CDH18: variants seen among roughly 807,000 people sequenced by gnomAD.
CDH18 encodes the protein cadherin-18.
Under a neutral mutation model 67.9 loss-of-function variants are expected in CDH18, and 31 were observed. That is an observed-to-expected ratio of 0.46 (90% CI 0.34 to 0.62). CDH18 has a LOEUF of 0.62. Among genes scored for constraint, CDH18 ranks in the 20% least tolerant of loss-of-function variants. CDH18 has a pLI of 0.01. For synonymous variants in CDH18, 362 were observed against 347.2 expected, an observed-to-expected ratio of 1.04 and a Z score of -0.48; for missense variants, 890 against 975.5, an observed-to-expected ratio of 0.91 and a Z score of 1.17.
At chr5:19,757,775 G>C (rs1700224066) in intron 3 of CDH18, among the ~76,000 whole-genome samples, 1 of 152,152 alleles carries the variant, frequency 6.6e-6, no homozygotes, top group South Asian at 2.1e-4. Context: ...ATAGGCTACA[G>C]CCCAGGAATC....
intron 1 of CDH18, among the ~76,000 whole-genome samples, chr5:20,560,468 T>TACACACACACACACACAC (rs547246325): frequency 3.1e-5 from 4 of 127,606 alleles, no homozygotes; most frequent in Non-Finnish European, 3.3e-5. Context: ...CCAACACTCA[T>TACACACACACACACACAC]ACACACACAC....
intron 2 of CDH18, among the ~76,000 whole-genome samples, chr5:20,156,281 A>G (rs1430739393): frequency 6.6e-6 from 1 of 152,146 alleles, no homozygotes; most frequent in Non-Finnish European, 1.5e-5. Context: ...TACGCTCGTT[A>G]TGTTTATCAC....
At chr5:20,356,347 C>T (rs758483936) in intron 1 of CDH18, among the ~76,000 whole-genome samples, 1 of 152,130 alleles carries the variant, frequency 6.6e-6, no homozygotes, top group African/African-American at 2.4e-5. Flanking sequence ...CACGCAACTG[C>T]ACTCCAGCCT....
In CDH18 at chr5:19,732,679, G is replaced by A. The variant is rs115092273; in HGVS notation, c.524-11213C>T. On this transcript the variant is annotated intron_variant, in intron 4 of 12. Coordinates refer to ENST00000382275, the MANE Select transcript of CDH18 (RefSeq NM_004934.5). ...CTTAAACAGTTATCTCTCTTGTAAAGTTTAATTGCTCCCACCTAAGATTTA... is the reference window on the plus strand; with the variant it reads ...CTTAAACAGTTATCTCTCTTGTAAAATTTAATTGCTCCCACCTAAGATTTA... 4.2e-3 allele frequency among the ~76,000 whole-genome samples: 639 copies of A among 152,198 alleles called. 2 individuals carry two copies. Among genetic ancestry groups the A allele is most frequent in the Non-Finnish European group, 6.0e-3 (405 of 68,002 alleles).
intron 6 of CDH18, among the ~76,000 whole-genome samples, chr5:19,593,726 C>CTTCTTCTTCTTG (rs1210704438): frequency 4.2e-4 from 59 of 141,266 alleles, no homozygotes; most frequent in Non-Finnish European, 5.4e-4. Flanking sequence ...TCTTCTTCTT[C>CTTCTTCTTCTTG]TTCTTCTTCT....
intron 2 of CDH18, among the ~76,000 whole-genome samples, chr5:20,146,153 T>G (rs1270430320): frequency 6.6e-6 from 1 of 152,098 alleles, no homozygotes; most frequent in Non-Finnish European, 1.5e-5. Context: ...GGTGCAGGAT[T>G]CTGCTTGAAT....
intron 1 of CDH18, among the ~76,000 whole-genome samples, chr5:20,536,069 AT>A (rs1414608426): frequency 6.6e-6 from 1 of 152,150 alleles, no homozygotes; most frequent in Non-Finnish European, 1.5e-5. Flanking sequence ...TAGTTTTATA[AT>A]TTTTTAAAAT....
At chr5:20,541,122 T>C (rs1418443925) in intron 1 of CDH18, among the ~76,000 whole-genome samples, 2 of 152,214 alleles carry the variant, frequency 1.3e-5, no homozygotes, top group Non-Finnish European at 2.9e-5. Flanking sequence ...AACATCTATT[T>C]GAGGTCAGAA....
intron 2 of CDH18, among the ~76,000 whole-genome samples, chr5:19,979,841 C>G (rs1798859468): frequency 6.6e-6 from 1 of 152,136 alleles, no homozygotes; most frequent in South Asian, 2.1e-4. Flanking sequence ...GACAAACCCA[C>G]AGCTAACATA....
chr5:20,461,146 C>T (rs2457028), intron 1 of CDH18, among the ~76,000 whole-genome samples: 119,714 of 152,088 alleles, frequency 0.79, 47,361 homozygotes, highest in Admixed American at 0.86. Flanking sequence ...GACAGCCACA[C>T]GCTTGCTGTA....
chr5:19,634,857 A>G (rs1414233650), intron 5 of CDH18, among the ~76,000 whole-genome samples: 4 of 151,810 alleles, frequency 2.6e-5, no homozygotes, highest in African/African-American at 9.7e-5. Flanking sequence ...GAATTGCTTG[A>G]ACCCGGGAGG....
intron 2 of CDH18, among the ~76,000 whole-genome samples, chr5:20,077,018 T>C (rs1194529799): frequency 6.6e-6 from 1 of 152,198 alleles, no homozygotes; most frequent in East Asian, 1.9e-4. Flanking sequence ...GTTGGTTGAA[T>C]TGTGTTGTCT....
intron 1 of CDH18, among the ~76,000 whole-genome samples, chr5:20,300,971 T>A (rs1447420700): frequency 6.6e-6 from 1 of 152,066 alleles, no homozygotes. Context: ...TTAAAAAAAA[T>A]TGGAGGGGAT....
intron 1 of CDH18, among the ~76,000 whole-genome samples, chr5:20,282,714 G>A (rs1746379303): frequency 6.6e-6 from 1 of 152,060 alleles, no homozygotes; most frequent in Non-Finnish European, 1.5e-5. Context: ...TTGGTATCAG[G>A]ATGATGCTGG....
At chr5:19,542,661 AAAGACTACCTATT>A (rs1244742908) in intron 9 of CDH18, among the ~76,000 whole-genome samples, 1 of 152,176 alleles carries the variant, frequency 6.6e-6, no homozygotes, top group East Asian at 1.9e-4. Context: ...ACCTGTCACA[AAAGACTACCTATT>A]ATATGATTAT....
intron 9 of CDH18, among the ~76,000 whole-genome samples, chr5:19,525,614 T>C (rs925882501): frequency 2.0e-5 from 3 of 152,230 alleles, no homozygotes; most frequent in Non-Finnish European, 2.9e-5. Flanking sequence ...TAGGATGATG[T>C]ATAAAAATGT....
intron 2 of CDH18, among the ~76,000 whole-genome samples, chr5:19,863,445 G>A (rs1469796106): frequency 2.6e-5 from 4 of 152,150 alleles, no homozygotes; most frequent in African/African-American, 9.7e-5. Flanking sequence ...ACACTGAGCT[G>A]TACTTAATAT....
chr5:20,153,806 C>A (rs1751312993), intron 2 of CDH18, among the ~76,000 whole-genome samples: 2 of 152,118 alleles, frequency 1.3e-5, no homozygotes, highest in Non-Finnish European at 2.9e-5. Context: ...TGGATTAAGG[C>A]TCTACCATGA....
intron 1 of CDH18, among the ~76,000 whole-genome samples, chr5:20,384,904 G>A (rs762536491): frequency 1.3e-5 from 2 of 151,894 alleles, no homozygotes; most frequent in Non-Finnish European, 2.9e-5. Flanking sequence ...TGGTGTGATC[G>A]CGGCTCGCTG....
Sources: gnomAD v4.1 joint callset for allele counts (sites outside exome capture counted in the v4.1 genomes callset) on GRCh38, gnomAD v4.1.1 for gene constraint, MANE v1.5 for transcripts, NCBI Gene and HGNC (gene_info 2026-07-23, HGNC 2026-07-21) for gene names.